MACROD1: variants seen among roughly 807,000 people sequenced by gnomAD.
MACROD1 encodes the protein ADP-ribose glycohydrolase MACROD1.
MACROD1 carries 31 observed loss-of-function variants against 41.4 expected under a neutral mutation model. The ratio of observed to expected loss-of-function variants is 0.75; its 90% CI spans 0.56 to 1.01. MACROD1 has a LOEUF of 1.01. Among genes scored for constraint, MACROD1 ranks in the 50% least tolerant of loss-of-function variants. MACROD1 has a pLI of 0.00. For synonymous variants in MACROD1, 252 were observed against 203.4 expected (o/e 1.24, Z -2.03); for missense variants, 473 against 460.0 (o/e 1.03, Z -0.26).
chr11:64,086,415 C>T (rs901629568), intron 3 of MACROD1, among the ~76,000 whole-genome samples: 2 of 152,010 alleles, frequency 1.3e-5, no homozygotes, highest in Non-Finnish European at 2.9e-5. Context: ...CATTCCCTCC[C>T]CACCCCCAGC....
At chr11:64,009,295 G>C (rs1279987025) in intron 4 of MACROD1, among the ~76,000 whole-genome samples, 1 of 152,204 alleles carries the variant, frequency 6.6e-6, no homozygotes, top group East Asian at 1.9e-4. Context: ...GTGGGAGAGA[G>C]GAGGGGGCCT....
chr11:64,114,928 C>T (rs1441318149), intron 3 of MACROD1, among the ~76,000 whole-genome samples: 2 of 152,140 alleles, frequency 1.3e-5, no homozygotes, highest in Non-Finnish European at 1.5e-5. Context: ...AAAAGCAGCT[C>T]AGGAATAGAG....
At chr11:64,009,303 C>A (rs1000857134) in intron 4 of MACROD1, among the ~76,000 whole-genome samples, 24 of 152,070 alleles carry the variant, frequency 1.6e-4, no homozygotes, top group African/African-American at 5.8e-4. Flanking sequence ...GAGGAGGGGG[C>A]CTGGCAGACA....
chr11:64,107,080 C>T (rs978413684), intron 3 of MACROD1, among the ~76,000 whole-genome samples: 5 of 152,210 alleles, frequency 3.3e-5, no homozygotes, highest in South Asian at 2.1e-4. Context: ...GACAGAGTTT[C>T]GCCATGTTGA....
intron 3 of MACROD1, among the ~76,000 whole-genome samples, chr11:64,062,170 T>C (rs1358978191): frequency 6.6e-6 from 1 of 152,116 alleles, no homozygotes; most frequent in African/African-American, 2.4e-5. Flanking sequence ...TTCCTCTGGC[T>C]GAGCACCCAC....
chr11:64,117,299 G>C lies in MACROD1; in HGVS notation c.517+33940C>G, dbSNP rs1247339552. On this transcript the variant is annotated intron_variant, in intron 3 of 10. Transcript: ENST00000255681. ...TCATGTGGCTGCGGGACTGGGTGAAGGCACGGGCGGCCGTGGTCAACGTGC... is the reference window on the plus strand; with the variant it reads ...TCATGTGGCTGCGGGACTGGGTGAACGCACGGGCGGCCGTGGTCAACGTGC... 2.5e-6 allele frequency: 4 copies of C among 1,614,160 alleles called. No individual in the cohort carries two copies. The South Asian group carries it at 4.4e-5, about 18-fold the overall frequency.
chr11:64,148,974 CCCTGCCT>C, intron 3 of MACROD1: 2 of 985,312 alleles, frequency 2.0e-6, no homozygotes, highest in Non-Finnish European at 2.4e-6. Flanking sequence ...CGTGTTCAGA[CCCTGCCT>C]CCGTCATTCC....
At chr11:64,158,943 T>C (rs1590981063) in intron 1 of MACROD1, among the ~76,000 whole-genome samples, 1 of 151,910 alleles carries the variant, frequency 6.6e-6, no homozygotes, top group East Asian at 2.0e-4. Context: ...CCCAGCACTT[T>C]GGGAGGCTGA....
At position 64,036,369 on chromosome 11, in the gene MACROD1, G is replaced by T. The variant is rs1943380184; in HGVS notation, c.518-21088C>A. Reference sequence around the variant, plus strand: ...AGTCAAGAGCCAAGCACCAGTAGCGGTGGCGCTGGCCCCGCCGCGGGGAGG... The same window carrying T: ...AGTCAAGAGCCAAGCACCAGTAGCGTTGGCGCTGGCCCCGCCGCGGGGAGG... On this transcript the variant is annotated intron_variant, in intron 3 of 10. Coordinates refer to ENST00000255681, the MANE Select transcript of MACROD1 (RefSeq NM_014067.4). The surrounding 1 kb of genome is among the most constrained non-coding windows in gnomAD (Gnocchi z 5.6). 6.6e-6 allele frequency among the ~76,000 whole-genome samples: 1 copy of T among 152,146 alleles called. No homozygotes were observed. The highest frequency in any genetic ancestry group is 6.5e-5 in the Admixed American group (1 of 15,286).
intron 3 of MACROD1, among the ~76,000 whole-genome samples, chr11:64,136,175 C>T (rs1367522418): frequency 6.6e-6 from 1 of 152,260 alleles, no homozygotes; most frequent in Non-Finnish European, 1.5e-5. Flanking sequence ...GCTCTCCAGA[C>T]ACACCCATCC....
chr11:64,122,046 A>G lies in MACROD1; in HGVS notation c.517+29193T>C, dbSNP rs936069860. On this transcript the variant is annotated intron_variant, in intron 3 of 10. Coordinates refer to ENST00000255681, the MANE Select transcript of MACROD1 (RefSeq NM_014067.4). This position sits in a 1 kb window ranked among gnomAD's most constrained non-coding sequence, Gnocchi z 4.0. ...CACCAGCAGGCCGGGAATCATTTGCATTTTGCGAATGAGGCCTCTTGTAAG... is the reference window on the plus strand; with the variant it reads ...CACCAGCAGGCCGGGAATCATTTGCGTTTTGCGAATGAGGCCTCTTGTAAG... Among the ~76,000 whole-genome samples the G allele has an allele frequency of 2.6e-5, 4 of 152,102 alleles. No homozygotes were observed. Among genetic ancestry groups the G allele is most frequent in the African/African-American group, 9.7e-5 (4 of 41,426 alleles).
intron 3 of MACROD1, among the ~76,000 whole-genome samples, chr11:64,015,654 GAT>G (rs1393917042): frequency 2.0e-5 from 3 of 152,196 alleles, no homozygotes; most frequent in Non-Finnish European, 4.4e-5. Context: ...CTGGTGCAGA[GAT>G]GTGGGGAGGA....
rs534541195 is a variant in MACROD1 at position 64,014,508 on chromosome 11, C to G, written c.547+744G>C. On this transcript the variant is annotated intron_variant, in intron 4 of 10. Transcript: ENST00000255681. ...GTAAACACGGCCCCCGGGATTTATC[C>G]GACGGCACATTAACCCCTGGCCCCT... Among the ~76,000 whole-genome samples, 3 of 152,242 alleles carry G rather than the reference C, an allele frequency of 2.0e-5. No homozygotes were observed. The South Asian group carries it at 6.2e-4, about 31-fold the overall frequency.
At chr11:64,049,552 T>C (rs1343847571) in intron 3 of MACROD1, among the ~76,000 whole-genome samples, 1 of 152,230 alleles carries the variant, frequency 6.6e-6, no homozygotes, top group East Asian at 1.9e-4. Flanking sequence ...GGTCTTGGTC[T>C]CCGAGCTCAG....
intron 3 of MACROD1, among the ~76,000 whole-genome samples, chr11:64,050,911 G>A (rs376325385): frequency 9.2e-4 from 140 of 152,324 alleles, no homozygotes; most frequent in African/African-American, 3.3e-3. Context: ...GAGCCACCGC[G>A]CCCGGCCACA....
intron 1 of MACROD1, among the ~76,000 whole-genome samples, chr11:64,156,167 A>G (rs1945665116): frequency 6.6e-6 from 1 of 151,618 alleles, no homozygotes; most frequent in South Asian, 2.1e-4. Context: ...TGTAGTCCCA[A>G]CTGCCTGTGA....
At position 64,152,321 on chromosome 11, in the gene MACROD1, T is replaced by G; in HGVS notation, c.371A>C (p.Lys124Thr). The change falls in exon 2 of 11, where the codon AAG (lysine) becomes ACG (threonine). Residue 124 changes from lysine to threonine, a missense_variant. Physicochemically the swap from Lys to Thr is moderately conservative, Grantham distance 78. Coordinates refer to ENST00000255681, the MANE Select transcript of MACROD1 (RefSeq NM_014067.4). ...CGCCATCTCCTTCCATGTCGGGATC[T>G]TCTTCAGCCTGACAAAGTCCTTGCA... ...YFCKDFVRLK[K>T]IPTWKEMAKG... 1.2e-6 allele frequency: 2 copies of G among 1,614,258 alleles called. No individual in the cohort carries two copies. Among genetic ancestry groups the G allele is most frequent in the Non-Finnish European group, 1.7e-6 (2 of 1,180,054 alleles).
intron 3 of MACROD1, chr11:64,086,819 C>G (rs1337626291): frequency 6.6e-6 from 1 of 152,270 alleles, no homozygotes; most frequent in Admixed American, 6.5e-5. Flanking sequence ...CCAACTAGCC[C>G]GTGACTTCCA....
At chr11:64,055,216 C>T (rs527820677) in intron 3 of MACROD1, among the ~76,000 whole-genome samples, 5 of 152,320 alleles carry the variant, frequency 3.3e-5, no homozygotes, top group Admixed American at 2.6e-4. Context: ...TCCTCTGGGC[C>T]GGGAGCAGGG....
Sources: allele counts gnomAD v4.1 joint callset (sites outside exome capture counted in the v4.1 genomes callset), GRCh38; gene constraint gnomAD v4.1.1; non-coding constraint Gnocchi (gnomAD v3.1); transcripts MANE v1.5; gene names NCBI Gene and HGNC (gene_info 2026-07-23, HGNC 2026-07-21).